Variants in FGD4 observed in about 807,000 individuals in gnomAD.
FGD4 encodes the protein FYVE, RhoGEF and PH domain containing 4, also known as FYVE, RhoGEF and PH domain-containing protein 4.
FGD4 carries 42 observed loss-of-function variants against 102.0 expected under a neutral mutation model. The ratio of observed to expected loss-of-function variants is 0.41; its 90% CI spans 0.32 to 0.53. The LOEUF (loss-of-function observed/expected upper bound fraction) is 0.53, where lower values mean the gene tolerates loss of function less well. Among genes scored for constraint, FGD4 ranks in the 20% least tolerant of loss-of-function variants. The pLI is 0.21. For missense variants in FGD4, 902 were observed against 1,078.2 expected, an observed-to-expected ratio of 0.84 and a Z score of 2.29; for synonymous variants, 380 against 375.7, an observed-to-expected ratio of 1.01 and a Z score of -0.13.
chr12:32,599,594 C>A (rs964807382), intron 5 of FGD4, among the ~76,000 whole-genome samples: 1 of 99,366 alleles, frequency 1.0e-5, no homozygotes, highest in Non-Finnish European at 1.8e-5. Context: ...GTCGCCCAGG[C>A]TGTAGTGCAG....
In FGD4 at chr12:32,412,899, A is replaced by ATTTTTTTTTTTT. The variant is rs869107334; in HGVS notation, c.166+12954_166+12965dup. Among the ~76,000 whole-genome samples, 74 of 86,990 alleles carry ATTTTTTTTTTTT rather than the reference A, an allele frequency of 8.5e-4. 10 individuals are homozygous for ATTTTTTTTTTTT. The highest frequency in any genetic ancestry group is 3.7e-3 in the African/African-American group (67 of 18,304). 57.1% of individuals were successfully genotyped at this position (86,990 alleles called of 152,430 possible). ...CTGTCCAGAGACCCCTTTTCTAGAAATTTTTTTTTTTTTTTTTTTTTTTTT... is the reference window on the plus strand; with the variant it reads ...CTGTCCAGAGACCCCTTTTCTAGAAATTTTTTTTTTTTTTTTTTTTTTTTTTTTTTTTTTTTT... On this transcript the variant is annotated intron_variant, in intron 1 of 16. Coordinates refer to ENST00000534526, the MANE Select transcript of FGD4 (RefSeq NM_001370298.3).
intron 1 of FGD4, among the ~76,000 whole-genome samples, chr12:32,429,498 C>T (rs973233079): frequency 6.6e-6 from 1 of 152,214 alleles, no homozygotes; most frequent in African/African-American, 2.4e-5. Context: ...TCAGGAGGCA[C>T]GGGGGTAAGG....
intron 1 of FGD4, among the ~76,000 whole-genome samples, chr12:32,496,023 G>A (rs1937796183): frequency 6.6e-6 from 1 of 152,070 alleles, no homozygotes; most frequent in South Asian, 2.1e-4. Flanking sequence ...AGTAAAGTTA[G>A]GATTGATTTT....
chr12:32,434,096 C>T (rs865816989), intron 1 of FGD4, among the ~76,000 whole-genome samples: 3 of 152,060 alleles, frequency 2.0e-5, no homozygotes, highest in South Asian at 2.1e-4. Flanking sequence ...CCTCGTGATC[C>T]GCCCGCCTCA....
At chr12:32,458,503 A>G (rs1466925172) in intron 1 of FGD4, among the ~76,000 whole-genome samples, 1 of 152,148 alleles carries the variant, frequency 6.6e-6, no homozygotes. Flanking sequence ...TATATATAAT[A>G]TGGTTGAATT....
rs751377618 is a variant in FGD4 at position 32,519,119 on chromosome 12, GAAAAAAA to G, written c.167-45001_167-44995del. Among the ~76,000 whole-genome samples, 10 of 73,424 alleles carry G rather than the reference GAAAAAAA, an allele frequency of 1.4e-4. No homozygotes were observed. The South Asian group carries it at 2.4e-3, about 18-fold the overall frequency. 48.2% of individuals were successfully genotyped at this position (73,424 alleles called of 152,430 possible). A position where few individuals can be genotyped will look rare whatever the true frequency, so the allele number is the denominator to read the frequency against. ...CAACAAAAGCAAAACTCCGTCTCAG[GAAAAAAA>G]AAAAAAAAAAAAAAAAGCCTCCCCA... On this transcript the variant is annotated intron_variant, in intron 1 of 16. Coordinates refer to ENST00000534526, the MANE Select transcript of FGD4 (RefSeq NM_001370298.3).
intron 1 of FGD4, among the ~76,000 whole-genome samples, chr12:32,530,941 G>GTT (rs768536136): frequency 0.014 from 1,011 of 70,472 alleles, 219 homozygotes; most frequent in African/African-American, 0.053. Flanking sequence ...CCTAGCTTTG[G>GTT]TTTTTTTTTT....
At chr12:32,512,284 T>TA (rs1395827564) in intron 1 of FGD4, among the ~76,000 whole-genome samples, 1 of 151,850 alleles carries the variant, frequency 6.6e-6, no homozygotes, top group Non-Finnish European at 1.5e-5. Flanking sequence ...CCCTCTCTAC[T>TA]AAAAATTAAA....
intron 1 of FGD4, among the ~76,000 whole-genome samples, chr12:32,496,519 T>C (rs1937828819): frequency 6.6e-6 from 1 of 152,312 alleles, no homozygotes; most frequent in South Asian, 2.1e-4. Context: ...TAGCATATGC[T>C]TTTATTGTCT....
intron 11 of FGD4, among the ~76,000 whole-genome samples, chr12:32,621,586 C>T (rs1385926464): frequency 6.6e-6 from 1 of 152,188 alleles, no homozygotes; most frequent in Non-Finnish European, 1.5e-5. Context: ...GGAATCTGTG[C>T]CCAGGGAGTC....
At chr12:32,622,030 G>A (rs1224662824) in intron 11 of FGD4, among the ~76,000 whole-genome samples, 1 of 152,128 alleles carries the variant, frequency 6.6e-6, no homozygotes, top group Non-Finnish European at 1.5e-5. Context: ...TGGGACTATA[G>A]GTGCCTGCCA....
intron 1 of FGD4, among the ~76,000 whole-genome samples, chr12:32,546,672 TGACTAGCATAAAGTGA>T (rs1943248341): frequency 6.6e-6 from 1 of 152,228 alleles, no homozygotes; most frequent in Non-Finnish European, 1.5e-5. Flanking sequence ...AAGTAGGACT[TGACTAGCATAAAGTGA>T]GTCTATGAGA....
chr12:32,583,014 T>A (rs76508668), intron 4 of FGD4: 3,674 of 153,644 alleles, frequency 0.024, 136 homozygotes, highest in African/African-American at 0.084. Context: ...TAATAAATGG[T>A]GTAGTCTTTG....
At chr12:32,511,929 G>A (rs1188916051) in intron 1 of FGD4, 2 of 152,056 alleles carry the variant, frequency 1.3e-5, no homozygotes, top group Admixed American at 1.3e-4. Flanking sequence ...TTTTAGAATT[G>A]AAACTCAGTT....
At chr12:32,604,161 A>G (rs1484479447) in intron 7 of FGD4, among the ~76,000 whole-genome samples, 1 of 152,110 alleles carries the variant, frequency 6.6e-6, no homozygotes, top group African/African-American at 2.4e-5. Flanking sequence ...CAGCAGTTTA[A>G]ATATGATGTG....
At chr12:32,558,845 A>G (rs1944318636) in intron 1 of FGD4, among the ~76,000 whole-genome samples, 1 of 152,226 alleles carries the variant, frequency 6.6e-6, no homozygotes, top group Non-Finnish European at 1.5e-5. Flanking sequence ...TATAGGAGAT[A>G]CAACCCAGCA....
chr12:32,453,216 ATATAATATAGATATATATATAT>A (rs1942846477), intron 1 of FGD4, among the ~76,000 whole-genome samples: 1 of 49,324 alleles, frequency 2.0e-5, no homozygotes, highest in Non-Finnish European at 4.5e-5. Context: ...ATATATATAT[ATATAATATAGATATATATATAT>A]TTTTTTTTTT....
At chr12:32,546,470 C>T (rs116374850) in intron 1 of FGD4, among the ~76,000 whole-genome samples, 1,665 of 152,366 alleles carry the variant, frequency 0.011, 37 homozygotes, top group African/African-American at 0.038. Flanking sequence ...TGACTCGTGG[C>T]TTTGCCACTT....
chr12:32,614,613 A>C (rs1949341044), intron 10 of FGD4, among the ~76,000 whole-genome samples: 1 of 152,228 alleles, frequency 6.6e-6, no homozygotes, highest in African/African-American at 2.4e-5. Context: ...CATTATTCTC[A>C]TCAAACAAGG....
Sources: allele counts gnomAD v4.1 joint callset (sites outside exome capture counted in the v4.1 genomes callset), GRCh38; gene constraint gnomAD v4.1.1; transcripts MANE v1.5; gene names NCBI Gene and HGNC (gene_info 2026-07-23, HGNC 2026-07-21).